The following CATSPERB variants were observed in gnomAD, a reference collection of about 807,000 sequenced individuals.
CATSPERB encodes the protein catsper channel auxiliary subunit beta.
A neutral mutation model predicts 128.3 loss-of-function variants in CATSPERB; 93 were observed. The observed-to-expected ratio is 0.72, with a 90% CI of 0.61 to 0.86. The LOEUF (loss-of-function observed/expected upper bound fraction) is 0.86. CATSPERB is among the 40% of genes least tolerant of loss of function. The pLI is 0.00. For missense variants in CATSPERB, 1,153 were observed against 1,329.5 expected (o/e 0.87, Z 2.06); for synonymous variants, 381 against 448.8 (o/e 0.85, Z 1.91).
Position 91,729,431 on chromosome 14 carries a change from CA to C in CATSPERB, c.48del (p.Phe16LeufsTer7). 1 of 1,524,464 alleles carries C rather than the reference CA, an allele frequency of 6.6e-7. No individual in the cohort carries two copies. The allele number at this position is 1,524,464 out of a possible 1,614,324, so 94.4% of individuals were successfully genotyped here. A position where few individuals can be genotyped will look rare whatever the true frequency, so the allele number is the denominator to read the frequency against. On this transcript the variant is annotated frameshift_variant, in exon 2 of 27. Transcript: ENST00000256343. LOFTEE classifies it high-confidence loss of function. Reference sequence around the variant, plus strand: ...TTATATACTATTCCTGATGAAAATTCAAATATGTTCAAAAGCAAAACTGAAA... The same window carrying C: ...TTATATACTATTCCTGATGAAAATTCAATATGTTCAAAAGCAAAACTGAAA... The part of the protein sequence containing the change: ...IYVSVLLLNI[F>X]EFSSGIVYNK...
At chr14:91,629,126 A>G (rs1432825817) in intron 17 of CATSPERB, among the ~76,000 whole-genome samples, 1 of 152,244 alleles carries the variant, frequency 6.6e-6, no homozygotes, top group Admixed American at 6.5e-5. Flanking sequence ...GATGTTCTTC[A>G]GTAGGTAAAT....
intron 10 of CATSPERB, among the ~76,000 whole-genome samples, chr14:91,690,052 G>A (rs1278971555): frequency 6.6e-6 from 1 of 152,124 alleles, no homozygotes; most frequent in African/African-American, 2.4e-5. Flanking sequence ...GAGTGCAGTG[G>A]CACGATCTCG....
rs146381139 is a variant in CATSPERB, at chr14:91,630,203, C to T, written c.1743-5196G>A. 2.6e-5 allele frequency among the ~76,000 whole-genome samples: 4 copies of T among 152,244 alleles called. No homozygotes were observed. The East Asian group carries it at 7.7e-4, about 29-fold the overall frequency. ...CCCTCTTCTCTTGGTTTATATGGCC[C>T]CACATTTTCCTGTGTTTTTTCTACC... On this transcript the variant is annotated intron_variant, in intron 17 of 26. Transcript: ENST00000256343.
intron 23 of CATSPERB, among the ~76,000 whole-genome samples, chr14:91,591,370 A>G (rs1175076869): frequency 6.6e-6 from 1 of 151,882 alleles, no homozygotes; most frequent in Non-Finnish European, 1.5e-5. Flanking sequence ...TGCGTATTTG[A>G]CTCTTCTAAT....
intron 18 of CATSPERB, among the ~76,000 whole-genome samples, chr14:91,624,594 T>G (rs1894118012): frequency 6.6e-6 from 1 of 150,490 alleles, no homozygotes. Flanking sequence ...TGAGTCGAGA[T>G]CGCGTCACTA....
At chr14:91,624,789 C>G in intron 18 of CATSPERB, 31 bp downstream of exon 18, 1 of 1,457,902 alleles carries the variant, frequency 6.9e-7, no homozygotes, top group Non-Finnish European at 9.2e-7. Flanking sequence ...TTTTTCTAGC[C>G]ATCAGAGATG....
Position 91,666,368 on chromosome 14 carries a change from A to C in CATSPERB, c.1287+3446T>G, listed in dbSNP as rs991860338. Reference sequence around the variant, plus strand: ...AGGCCCCTCTATACTCTAATCAAGGAGACCCGGAGGGCAAATACTCATCTA... The same window carrying C: ...AGGCCCCTCTATACTCTAATCAAGGCGACCCGGAGGGCAAATACTCATCTA... On this transcript the variant is annotated intron_variant, in intron 14 of 26. Transcript: ENST00000256343. Among the ~76,000 whole-genome samples, 3 of 152,214 alleles carry C rather than the reference A, an allele frequency of 2.0e-5. 1 individual carries two copies. The highest frequency in any genetic ancestry group is 2.0e-4 in the Admixed American group (3 of 15,282).
At chr14:91,680,281 C>T (rs1025805914) in intron 11 of CATSPERB, among the ~76,000 whole-genome samples, 127 of 152,248 alleles carry the variant, frequency 8.3e-4, no homozygotes, top group Non-Finnish European at 1.6e-3. Context: ...ACTATCCAAT[C>T]CTTCTAGGCC....
intron 22 of CATSPERB, among the ~76,000 whole-genome samples, chr14:91,598,891 CCTAA>C (rs1164432858): frequency 1.3e-5 from 2 of 149,656 alleles, no homozygotes; most frequent in Non-Finnish European, 3.0e-5. Context: ...AAAGATTTGA[CCTAA>C]CTGATTCCAT....
chr14:91,667,516 ACC>A (rs1350237694), intron 14 of CATSPERB, among the ~76,000 whole-genome samples: 1 of 152,234 alleles, frequency 6.6e-6, no homozygotes. Context: ...ATTTCTGTCT[ACC>A]CAGCCAAGGC....
intron 22 of CATSPERB, among the ~76,000 whole-genome samples, chr14:91,602,284 C>A (rs1046700698): frequency 6.6e-6 from 1 of 152,008 alleles, no homozygotes; most frequent in African/African-American, 2.4e-5. Flanking sequence ...TTTATGTAGT[C>A]ATAATGCAGT....
chr14:91,617,782 A>T (rs769896628), intron 19 of CATSPERB, 46 bp from the exon 20 acceptor site: 1 of 1,325,306 alleles, frequency 7.5e-7, no homozygotes, highest in African/African-American at 1.5e-5. Context: ...TGAAAACTGT[A>T]AACTCAATTG....
At chr14:91,619,740 A>G (rs958779118) in intron 19 of CATSPERB, among the ~76,000 whole-genome samples, 1 of 151,964 alleles carries the variant, frequency 6.6e-6, no homozygotes, top group African/African-American at 2.4e-5. Flanking sequence ...ATAGTTTTAA[A>G]GTTCTTTTCC....
At position 91,581,081 on chromosome 14, in the gene CATSPERB, T is replaced by C; in HGVS notation, c.3159A>G (p.Pro1053=). The change falls in exon 27 of 27, where the codon CCA becomes CCG. Residue 1053 remains proline, a synonymous_variant. Transcript: ENST00000256343. ...FQIYVDEAPL[P]FPGHTLIAVA... Reference sequence around the variant, plus strand: ...CGGCAATAAGCGTGTGTCCTGGGAATGGCAATGGTGCCTCATCAACATAAA... The same window carrying C: ...CGGCAATAAGCGTGTGTCCTGGGAACGGCAATGGTGCCTCATCAACATAAA... 7 of 1,614,104 alleles carry C rather than the reference T, an allele frequency of 4.3e-6. No homozygotes were observed. Among genetic ancestry groups the C allele is most frequent in the African/African-American group, 1.3e-5 (1 of 75,072 alleles).
At chr14:91,730,830 A>G (rs893237936) in intron 1 of CATSPERB, among the ~76,000 whole-genome samples, 6 of 152,228 alleles carry the variant, frequency 3.9e-5, no homozygotes, top group African/African-American at 1.4e-4. Flanking sequence ...TAGAAAGCTC[A>G]AACAGTTTGA....
At chr14:91,663,330 T>G (rs1566722775) in intron 14 of CATSPERB, among the ~76,000 whole-genome samples, 1 of 152,192 alleles carries the variant, frequency 6.6e-6, no homozygotes, top group Non-Finnish European at 1.5e-5. Context: ...TGACCCAAAT[T>G]ATAAGTCATT....
intron 7 of CATSPERB, among the ~76,000 whole-genome samples, chr14:91,701,093 T>C (rs1895639643): frequency 6.6e-6 from 1 of 152,172 alleles, no homozygotes; most frequent in African/African-American, 2.4e-5. Context: ...TCCATATGGA[T>C]GGTGAAGTCA....
At chr14:91,705,497 T>C (rs1895719657) in intron 6 of CATSPERB, among the ~76,000 whole-genome samples, 1 of 152,212 alleles carries the variant, frequency 6.6e-6, no homozygotes, top group Admixed American at 6.5e-5. Flanking sequence ...ACAGGCAGAA[T>C]AGCAGCACTA....
chr14:91,715,248 A>C (rs1895917727), intron 5 of CATSPERB: 1 of 152,098 alleles, frequency 6.6e-6, no homozygotes, highest in Non-Finnish European at 1.5e-5. Flanking sequence ...ATGGTTTGGA[A>C]GACTCATTAT....
Sources: gnomAD v4.1 joint callset for allele counts (sites outside exome capture counted in the v4.1 genomes callset) on GRCh38, gnomAD v4.1.1 for gene constraint, MANE v1.5 for transcripts, NCBI Gene and HGNC (gene_info 2026-07-23, HGNC 2026-07-21) for gene names.